Variants in EVL observed in about 807,000 individuals in gnomAD.
The protein encoded by EVL is ena/VASP-like protein.
Under a neutral mutation model 59.6 loss-of-function variants are expected in EVL, and 21 were observed. That is an observed-to-expected ratio of 0.35 (90% CI 0.25 to 0.51). EVL has a LOEUF of 0.51. Among genes scored for constraint, EVL ranks in the 20% least tolerant of loss-of-function variants. EVL has a pLI of 0.97. For synonymous variants in EVL, 198 were observed against 203.5 expected (o/e 0.97, Z 0.23); for missense variants, 462 against 546.6 (o/e 0.85, Z 1.54).
intron 1 of EVL, among the ~76,000 whole-genome samples, chr14:100,036,434 G>A (rs1048950912): frequency 5.9e-5 from 9 of 152,158 alleles, no homozygotes; most frequent in African/African-American, 2.2e-4. Context: ...ATGTGGGGAA[G>A]ACTAATAAGC....
chr14:100,103,582 T>C (rs1365900354), intron 3 of EVL, among the ~76,000 whole-genome samples: 1 of 152,160 alleles, frequency 6.6e-6, no homozygotes, highest in Admixed American at 6.5e-5. Flanking sequence ...TCCTACTGGG[T>C]TTCCCTTTCT....
chr14:100,039,449 C>G (rs779569527), intron 1 of EVL, among the ~76,000 whole-genome samples: 82 of 152,162 alleles, frequency 5.4e-4, no homozygotes, highest in Admixed American at 1.2e-3. Flanking sequence ...GTCGGTCAGG[C>G]TGGTCTCAAA....
At chr14:100,037,736 G>A (rs1034189495) in intron 1 of EVL, among the ~76,000 whole-genome samples, 2 of 152,190 alleles carry the variant, frequency 1.3e-5, no homozygotes, top group Non-Finnish European at 2.9e-5. Context: ...GAGCAGACAT[G>A]GCCAGTTCCC....
intron 1 of EVL, chr14:100,052,676 C>G (rs985358554): frequency 6.6e-6 from 1 of 151,904 alleles, no homozygotes; most frequent in Non-Finnish European, 1.5e-5. Flanking sequence ...TCTCTTGAAC[C>G]CAGGAGGCAG....
chr14:100,109,454 G>T lies in EVL; in HGVS notation c.358+11796G>T. On this transcript the variant is annotated intron_variant, in intron 3 of 13. Transcript: ENST00000392920. This position sits in a 1 kb window ranked among gnomAD's most constrained non-coding sequence, Gnocchi z 4.3. Reference sequence around the variant, plus strand: ...TGTTTGTCTAGACTGTGAGCTCCTCGAGGGCAGGTGTCTGTTTCTGTGTCT... The same window carrying T: ...TGTTTGTCTAGACTGTGAGCTCCTCTAGGGCAGGTGTCTGTTTCTGTGTCT... The T allele has an allele frequency of 2.5e-6, 1 of 397,706 alleles. No individual in the cohort carries two copies. The highest frequency in any genetic ancestry group is 1.8e-5 in the South Asian group (1 of 54,428). The allele number at this position is 397,706 out of a possible 1,614,324, so 24.6% of individuals were successfully genotyped here.
chr14:99,995,549 A>G (rs928205612), intron 1 of EVL, among the ~76,000 whole-genome samples: 11 of 152,190 alleles, frequency 7.2e-5, no homozygotes, highest in Non-Finnish European at 1.0e-4. Flanking sequence ...GAGCATCCTT[A>G]CAGTGGCTAT....
At chr14:99,987,475 C>T (rs908808589) in intron 1 of EVL, among the ~76,000 whole-genome samples, 1 of 152,138 alleles carries the variant, frequency 6.6e-6, no homozygotes, top group Non-Finnish European at 1.5e-5. Flanking sequence ...AACCCTGTCT[C>T]TATTAAAAAT....
At chr14:100,099,179 C>T (rs1354378313) in intron 3 of EVL, among the ~76,000 whole-genome samples, 2 of 51,258 alleles carry the variant, frequency 3.9e-5, no homozygotes, top group South Asian at 8.2e-4. Flanking sequence ...CCTGTCTCTA[C>T]AAAAAAAAAA....
chr14:100,052,645 T>TG (rs1245390951), intron 1 of EVL, among the ~76,000 whole-genome samples: 2 of 151,616 alleles, frequency 1.3e-5, no homozygotes, highest in Admixed American at 1.3e-4. Context: ...CCCAGCTACT[T>TG]GGGAGGCTGA....
rs1222437394 is a variant in EVL at position 100,132,765 on chromosome 14, G to A, written c.886G>A (p.Asp296Asn). The A allele has an allele frequency of 3.1e-6, 5 of 1,614,166 alleles. No individual in the cohort carries two copies. Among genetic ancestry groups the A allele is most frequent in the Non-Finnish European group, 4.2e-6 (5 of 1,180,038 alleles). The change falls in exon 8 of 14, where the codon GAT becomes AAT. Residue 296 changes from aspartate to asparagine, a missense_variant. Asp to Asn is a conservative substitution (Grantham distance 23). Coordinates refer to ENST00000392920, the MANE Select transcript of EVL (RefSeq NM_016337.3). ...AGACAAGCCAGCCGAGAAGAAGGAA[G>A]ATGAAAGCCAAATGGTGAGCAAGCA... ...QSDKPAEKKE[D>N]ESQMEDPSTS...
At chr14:100,093,165 A>C (rs570883470) in intron 2 of EVL, among the ~76,000 whole-genome samples, 2 of 152,242 alleles carry the variant, frequency 1.3e-5, no homozygotes, top group Admixed American at 1.3e-4. Context: ...GTCACTGCAC[A>C]TACATCCAAA....
chr14:99,999,776 T>TG (rs963147494), intron 1 of EVL, among the ~76,000 whole-genome samples: 7 of 152,300 alleles, frequency 4.6e-5, no homozygotes, highest in South Asian at 2.1e-4. Flanking sequence ...CATACTGTGG[T>TG]GGGGGGTCAC....
intron 1 of EVL, among the ~76,000 whole-genome samples, chr14:100,069,722 G>A (rs1037593376): frequency 2.6e-5 from 4 of 152,114 alleles, no homozygotes; most frequent in Admixed American, 1.3e-4. Flanking sequence ...AGAATGTTAC[G>A]ATACTCAGGT....
At chr14:100,034,075 C>CA (rs1350824211) in intron 1 of EVL, among the ~76,000 whole-genome samples, 7 of 146,666 alleles carry the variant, frequency 4.8e-5, no homozygotes, top group South Asian at 2.1e-4. Flanking sequence ...AAAATACAAA[C>CA]AAAAAACAAA....
At chr14:99,983,308 G>A (rs1427161287) in intron 1 of EVL, among the ~76,000 whole-genome samples, 1 of 152,200 alleles carries the variant, frequency 6.6e-6, no homozygotes, top group Non-Finnish European at 1.5e-5. Context: ...GGCGATAATT[G>A]TACCAGAAAA....
chr14:100,067,635 A>C (rs935101681), intron 1 of EVL, among the ~76,000 whole-genome samples: 2 of 152,106 alleles, frequency 1.3e-5, no homozygotes, highest in Non-Finnish European at 2.9e-5. Context: ...TTTCTGTTTC[A>C]CAGGAGAGAG....
At chr14:100,068,986 C>T (rs1160708768) in intron 1 of EVL, among the ~76,000 whole-genome samples, 1 of 152,124 alleles carries the variant, frequency 6.6e-6, no homozygotes, top group African/African-American at 2.4e-5. Context: ...GTGGGTTTTT[C>T]CGAAGCACGT....
chr14:99,984,424 G>A (rs1037326722), intron 1 of EVL, among the ~76,000 whole-genome samples: 2 of 152,074 alleles, frequency 1.3e-5, no homozygotes, highest in African/African-American at 4.8e-5. Flanking sequence ...GGAGACCCCA[G>A]CCCCATCCCC....
chr14:100,118,257 C>T lies in EVL; in HGVS notation c.359-5282C>T, dbSNP rs1447729389. On this transcript the variant is annotated intron_variant, in intron 3 of 13. Transcript: ENST00000392920. ...GAGTGTCACCTGCATCTGGCTCATTCTCCGTGAAGCCCATAATGCGTGCCC... is the reference window on the plus strand; with the variant it reads ...GAGTGTCACCTGCATCTGGCTCATTTTCCGTGAAGCCCATAATGCGTGCCC... 2.6e-5 allele frequency among the ~76,000 whole-genome samples: 4 copies of T among 152,192 alleles called. 1 individual carries two copies. The highest frequency in any genetic ancestry group is 3.8e-4 in the East Asian group (2 of 5,198).
Sources: allele counts gnomAD v4.1 joint callset (sites outside exome capture counted in the v4.1 genomes callset), GRCh38; gene constraint gnomAD v4.1.1; non-coding constraint Gnocchi (gnomAD v3.1); transcripts MANE v1.5; gene names NCBI Gene and HGNC (gene_info 2026-07-23, HGNC 2026-07-21).